The following PTPN4 variants were observed in gnomAD, a reference collection of about 807,000 sequenced individuals.
PTPN4 encodes tyrosine-protein phosphatase non-receptor type 4.
PTPN4 carries 49 observed loss-of-function variants against 135.5 expected under a neutral mutation model. The ratio of observed to expected loss-of-function variants is 0.36; its 90% CI spans 0.29 to 0.46. The LOEUF is 0.46. Ranked by LOEUF, PTPN4 falls within the 20% of genes least tolerant of loss-of-function variation. PTPN4 has a pLI of 1.00. For synonymous variants in PTPN4, 333 were observed against 369.9 expected (o/e 0.90, Z 1.14); for missense variants, 860 against 1,101.0 (o/e 0.78, Z 3.10).
chr2:119,778,113 C>T (rs184514045), intron 1 of PTPN4, among the ~76,000 whole-genome samples: 17 of 151,980 alleles, frequency 1.1e-4, no homozygotes, highest in East Asian at 5.8e-4. Context: ...ACCACATACA[C>T]TATAAGACTG....
intron 26 of PTPN4, among the ~76,000 whole-genome samples, chr2:119,969,281 G>C (rs1416666778): frequency 6.6e-6 from 1 of 152,008 alleles, no homozygotes; most frequent in Admixed American, 6.6e-5. Context: ...CCAAAGTGTT[G>C]GGATTACAGG....
At chr2:119,833,313 C>G (rs929074819) in intron 2 of PTPN4, among the ~76,000 whole-genome samples, 3 of 151,954 alleles carry the variant, frequency 2.0e-5, no homozygotes, top group Non-Finnish European at 4.4e-5. Flanking sequence ...TTGTAAATAA[C>G]ATTTGTGTAG....
chr2:119,955,030 T>G (rs1679260357), intron 19 of PTPN4, 127 bp from the exon 20 acceptor site: 1 of 847,482 alleles, frequency 1.2e-6, no homozygotes, highest in African/African-American at 1.7e-5. Flanking sequence ...GACTCAGATC[T>G]GGTGTAATTC....
intron 2 of PTPN4, among the ~76,000 whole-genome samples, chr2:119,860,000 T>C (rs573369329): frequency 3.2e-4 from 49 of 152,314 alleles, no homozygotes; most frequent in African/African-American, 1.1e-3. Context: ...GGTAACAGAA[T>C]TCTACAGTAC....
At chr2:119,890,576 G>A (rs1372902618) in intron 9 of PTPN4, among the ~76,000 whole-genome samples, 2 of 152,024 alleles carry the variant, frequency 1.3e-5, no homozygotes, top group African/African-American at 4.8e-5. Context: ...GTTATTATAT[G>A]TATTCTGTGT....
chr2:119,882,876 TC>T (rs1327562223), intron 8 of PTPN4, among the ~76,000 whole-genome samples: 1 of 152,170 alleles, frequency 6.6e-6, no homozygotes, highest in Non-Finnish European at 1.5e-5. Flanking sequence ...TGTGTAATAG[TC>T]TAAATAATTT....
intron 26 of PTPN4, among the ~76,000 whole-genome samples, chr2:119,972,582 A>G (rs1558779124): frequency 6.6e-6 from 1 of 151,954 alleles, no homozygotes; most frequent in African/African-American, 2.4e-5. Flanking sequence ...CCTGGATAGA[A>G]CCTCCAGTAC....
At chr2:119,790,077 T>G (rs1691117279) in intron 1 of PTPN4, among the ~76,000 whole-genome samples, 1 of 152,134 alleles carries the variant, frequency 6.6e-6, no homozygotes, top group Admixed American at 6.6e-5. Flanking sequence ...ATAACATACT[T>G]TGCATGATTT....
At chr2:119,946,710 C>CT (rs1250711401) in intron 18 of PTPN4, 136 bp downstream of exon 18, 3 of 689,784 alleles carry the variant, frequency 4.3e-6, no homozygotes, top group Non-Finnish European at 7.1e-6. Context: ...GGCTGAATCT[C>CT]TTTAAGTTGC....
Position 119,854,300 on chromosome 2 carries a change from A to G in PTPN4, c.139-8236A>G, listed in dbSNP as rs566156022. On this transcript the variant is annotated intron_variant, in intron 2 of 26. Coordinates refer to ENST00000263708, the MANE Select transcript of PTPN4 (RefSeq NM_002830.4). ...AGTTTCTAATCACCAGCATTTGCAT[A>G]TCAAAGCTTGCTGGCCTGGCTTTTT... Among the ~76,000 whole-genome samples, 45 of 152,332 alleles carry G rather than the reference A, an allele frequency of 3.0e-4. No homozygotes were observed. The South Asian group carries it at 6.0e-3, about 20-fold the overall frequency.
chr2:119,842,381 T>C (rs186601812), intron 2 of PTPN4, among the ~76,000 whole-genome samples: 130 of 152,324 alleles, frequency 8.5e-4, no homozygotes, highest in Non-Finnish European at 1.5e-3. Flanking sequence ...CACATGGCCT[T>C]ATTACTTTGA....
chr2:119,795,381 G>A (rs1691234162), intron 1 of PTPN4, among the ~76,000 whole-genome samples: 2 of 152,226 alleles, frequency 1.3e-5, no homozygotes, highest in African/African-American at 4.8e-5. Flanking sequence ...CAGGCTATTT[G>A]TGCCAAGGGG....
chr2:119,905,035 C>CAAAAA (rs35974878), intron 10 of PTPN4, among the ~76,000 whole-genome samples: 23 of 96,494 alleles, frequency 2.4e-4, no homozygotes, highest in Non-Finnish European at 4.1e-4. Context: ...GTTATTACTA[C>CAAAAA]AAAAAAAAAA....
chr2:119,788,138 C>T (rs1027948496), intron 1 of PTPN4, among the ~76,000 whole-genome samples: 2 of 152,146 alleles, frequency 1.3e-5, no homozygotes, highest in African/African-American at 4.8e-5. Flanking sequence ...CGTAAGAAAA[C>T]TTAGGGTTTT....
At chr2:119,929,694 C>A (rs1678875451) in intron 13 of PTPN4, among the ~76,000 whole-genome samples, 1 of 152,084 alleles carries the variant, frequency 6.6e-6, no homozygotes, top group African/African-American at 2.4e-5. Flanking sequence ...GAAACATAGA[C>A]AGCAAGCTTG....
rs150371697 is a variant in PTPN4 at position 119,863,203 on chromosome 2, A to G, written c.246+560A>G. On this transcript the variant is annotated intron_variant, in intron 3 of 26. Coordinates refer to ENST00000263708, the MANE Select transcript of PTPN4 (RefSeq NM_002830.4). The stretch of plus-strand genomic sequence containing the variant: ...TGGTTCTTTTAATTAGATAGATCAC[A>G]TCATAGAAATAGAAGATAGCATGTG... Among the ~76,000 whole-genome samples the G allele has an allele frequency of 4.5e-3, 692 of 152,218 alleles. 5 individuals are homozygous for G. Among genetic ancestry groups the G allele is most frequent in the African/African-American group, 0.016 (669 of 41,558 alleles).
chr2:119,942,089 G>A (rs1023935206), intron 15 of PTPN4, among the ~76,000 whole-genome samples: 3 of 152,178 alleles, frequency 2.0e-5, no homozygotes, highest in African/African-American at 7.2e-5. Flanking sequence ...TGGTCCAAAT[G>A]TATGTTGGCC....
intron 2 of PTPN4, among the ~76,000 whole-genome samples, chr2:119,830,979 C>A (rs1264100373): frequency 6.6e-6 from 1 of 152,102 alleles, no homozygotes; most frequent in Admixed American, 6.5e-5. Flanking sequence ...TGAGAACAGA[C>A]TAATACAATA....
At chr2:119,976,088 C>T (rs1306988943) in intron 26 of PTPN4, among the ~76,000 whole-genome samples, 6 of 151,280 alleles carry the variant, frequency 4.0e-5, no homozygotes, top group African/African-American at 1.5e-4. Context: ...CTCCGCCTCC[C>T]AGGTTCACGC....
Sources: gnomAD v4.1 joint callset for allele counts (sites outside exome capture counted in the v4.1 genomes callset) on GRCh38, gnomAD v4.1.1 for gene constraint, MANE v1.5 for transcripts, NCBI Gene and HGNC (gene_info 2026-07-23, HGNC 2026-07-21) for gene names.